ABHD3: variants seen among roughly 807,000 people sequenced by gnomAD.
ABHD3 encodes abhydrolase domain containing 3, phospholipase.
ABHD3 carries 46 observed loss-of-function variants against 48.8 expected under a neutral mutation model. The ratio of observed to expected loss-of-function variants is 0.94; its 90% CI spans 0.74 to 1.20. The LOEUF (loss-of-function observed/expected upper bound fraction) is 1.20. ABHD3 is among the 50% of genes most tolerant of loss of function. The pLI, the probability that ABHD3 is intolerant of heterozygous loss-of-function variation, is 0.00. For missense variants in ABHD3, 490 were observed against 497.8 expected (o/e 0.98, Z 0.15); for synonymous variants, 192 against 183.7 (o/e 1.04, Z -0.36).
At chr18:21,657,728 T>G (rs1243477950) in intron 6 of ABHD3, among the ~76,000 whole-genome samples, 1 of 152,262 alleles carries the variant, frequency 6.6e-6, no homozygotes, top group East Asian at 1.9e-4. Context: ...AAATCAACAG[T>G]ACTTTTAAAG....
intron 3 of ABHD3, among the ~76,000 whole-genome samples, chr18:21,691,478 T>C (rs2040250347): frequency 6.6e-6 from 1 of 152,208 alleles, no homozygotes; most frequent in African/African-American, 2.4e-5. Flanking sequence ...TTTCCAAGCT[T>C]ACTAAGGTCA....
At chr18:21,699,302 A>C (rs1157856664) in intron 3 of ABHD3, among the ~76,000 whole-genome samples, 1 of 152,196 alleles carries the variant, frequency 6.6e-6, no homozygotes, top group Non-Finnish European at 1.5e-5. Flanking sequence ...TCCCTTAGAA[A>C]GTGGCAGTTC....
At chr18:21,676,398 T>G (rs2039882301) in intron 4 of ABHD3, among the ~76,000 whole-genome samples, 1 of 152,224 alleles carries the variant, frequency 6.6e-6, no homozygotes, top group Admixed American at 6.5e-5. Context: ...TTTTTAAAAC[T>G]AACTTTTTTT....
intron 3 of ABHD3, among the ~76,000 whole-genome samples, chr18:21,696,916 A>ACTTTAC (rs2040382887): frequency 6.6e-6 from 1 of 152,014 alleles, no homozygotes; most frequent in Non-Finnish European, 1.5e-5. Flanking sequence ...TGGTAGACAT[A>ACTTTAC]ACTGATTAAT....
chr18:21,678,263 A>G (rs2039932240), intron 4 of ABHD3, among the ~76,000 whole-genome samples: 1 of 152,142 alleles, frequency 6.6e-6, no homozygotes, highest in African/African-American at 2.4e-5. Flanking sequence ...CTCATGTATA[A>G]GTTATTGTGA....
intron 3 of ABHD3, among the ~76,000 whole-genome samples, chr18:21,685,591 C>T (rs959256052): frequency 2.0e-5 from 3 of 152,212 alleles, no homozygotes; most frequent in East Asian, 1.9e-4. Flanking sequence ...TGCGGTGGCG[C>T]GGTCACAGTT....
At chr18:21,677,063 A>G (rs1173967465) in intron 4 of ABHD3, among the ~76,000 whole-genome samples, 3 of 152,154 alleles carry the variant, frequency 2.0e-5, no homozygotes, top group Non-Finnish European at 4.4e-5. Context: ...GTGACCATTA[A>G]TCTACTTTCT....
rs2039581907 is a variant in ABHD3, at chr18:21,664,702, C to T, written c.556-472G>A. The stretch of plus-strand genomic sequence containing the variant: ...CTAGATTGCAGTGGCATGATCACAG[C>T]TCACTGCAGCCTCGACCTCCCAGGC... On this transcript the variant is annotated intron_variant, in intron 4 of 8. Transcript: ENST00000289119. 2.0e-5 allele frequency among the ~76,000 whole-genome samples: 3 copies of T among 152,128 alleles called. No homozygotes were observed. In the South Asian group the frequency reaches 6.2e-4, roughly 31 times the overall value.
chr18:21,699,616 C>G (rs759969982), intron 3 of ABHD3, among the ~76,000 whole-genome samples: 4 of 152,218 alleles, frequency 2.6e-5, no homozygotes, highest in Non-Finnish European at 4.4e-5. Context: ...CTTGCTTTGA[C>G]CAGTAGCACT....
intron 4 of ABHD3, among the ~76,000 whole-genome samples, chr18:21,677,081 T>C (rs941105052): frequency 5.9e-5 from 9 of 152,192 alleles, no homozygotes; most frequent in Admixed American, 3.9e-4. Context: ...TCTGTGTCTA[T>C]AGATTTGCCT....
chr18:21,671,013 C>CA (rs988939561), intron 4 of ABHD3, among the ~76,000 whole-genome samples: 3 of 151,936 alleles, frequency 2.0e-5, no homozygotes, highest in African/African-American at 4.8e-5. Flanking sequence ...GACCCTGTCT[C>CA]AAAAAAATAA....
intron 8 of ABHD3, among the ~76,000 whole-genome samples, chr18:21,654,078 C>T (rs1467199071): frequency 6.6e-6 from 1 of 151,726 alleles, no homozygotes; most frequent in Non-Finnish European, 1.5e-5. Context: ...TCTTGAACTC[C>T]TGACTTCAGG....
chr18:21,676,909 A>G (rs1246949728), intron 4 of ABHD3, among the ~76,000 whole-genome samples: 1 of 152,134 alleles, frequency 6.6e-6, no homozygotes, highest in East Asian at 1.9e-4. Context: ...TTAAAGCTTT[A>G]TGAGATGTAA....
rs780298989 is a variant in ABHD3 at position 21,704,611 on chromosome 18, G to C, written c.55C>G (p.Leu19Val). The C allele has an allele frequency of 6.4e-7, 1 of 1,554,114 alleles. No homozygotes were observed. The highest frequency in any genetic ancestry group is 1.2e-5 in the South Asian group (1 of 84,022). Residue 19 changes from leucine to valine, a missense_variant, in exon 1 of 9, where the codon CTG (leucine) becomes GTG (valine). Coordinates refer to ENST00000289119, the MANE Select transcript of ABHD3 (RefSeq NM_138340.5). ...RMLSRELSLY[L>V]EHQVRVGFFG... ...AACCCCACCCGGACTTGGTGTTCCA[G>C]GTAGAGGGAGAGCTCCCGGGACAAC...
chr18:21,703,484 C>G, intron 2 of ABHD3, 100 bp downstream of exon 2: 2 of 1,428,384 alleles, frequency 1.4e-6, no homozygotes, highest in East Asian at 4.6e-5. Context: ...CTATATACTT[C>G]CTAAAGCAGA....
At chr18:21,704,422 C>A (rs1365398318) in intron 1 of ABHD3, 82 bp downstream of exon 1, 9 of 1,238,192 alleles carry the variant, frequency 7.3e-6, no homozygotes, top group Middle Eastern at 2.4e-4. Flanking sequence ...GCCGACCGCC[C>A]CTGGCCGCGC....
At chr18:21,680,811 TCTC>T (rs1056429807) in intron 4 of ABHD3, among the ~76,000 whole-genome samples, 4 of 151,998 alleles carry the variant, frequency 2.6e-5, no homozygotes, top group African/African-American at 9.7e-5. Flanking sequence ...CCTCTTTTTC[TCTC>T]CTCCTTCCTA....
intron 3 of ABHD3, among the ~76,000 whole-genome samples, chr18:21,690,517 G>A (rs564452549): frequency 4.3e-4 from 65 of 152,134 alleles, no homozygotes; most frequent in Middle Eastern, 3.4e-3. Context: ...CAGGAGAATC[G>A]CTTGAACCCA....
chr18:21,678,325 T>C (rs1000597952), intron 4 of ABHD3, among the ~76,000 whole-genome samples: 2 of 152,168 alleles, frequency 1.3e-5, no homozygotes, highest in South Asian at 4.1e-4. Flanking sequence ...AACTCTATTT[T>C]AACTTTTGGA....
Sources: gnomAD v4.1 joint callset for allele counts (sites outside exome capture counted in the v4.1 genomes callset) on GRCh38, gnomAD v4.1.1 for gene constraint, MANE v1.5 for transcripts, NCBI Gene and HGNC (gene_info 2026-07-23, HGNC 2026-07-21) for gene names.